RDX: variants seen among roughly 807,000 people sequenced by gnomAD.
The protein encoded by RDX is radixin.
RDX carries 32 observed loss-of-function variants against 83.7 expected under a neutral mutation model. The ratio of observed to expected loss-of-function variants is 0.38; its 90% CI spans 0.29 to 0.51. The LOEUF (loss-of-function observed/expected upper bound fraction) is 0.51. Ranked by LOEUF, RDX falls within the 20% of genes least tolerant of loss-of-function variation. The pLI is 0.87. For missense variants in RDX, 600 were observed against 689.9 expected (o/e 0.87, Z 1.46); for synonymous variants, 229 against 222.7 (o/e 1.03, Z -0.25).
intron 14 of RDX, among the ~76,000 whole-genome samples, chr11:110,208,168 T>G (rs539762517): frequency 6.6e-6 from 1 of 152,244 alleles, no homozygotes; most frequent in Admixed American, 6.5e-5. Flanking sequence ...ACACAGAGCA[T>G]CTGAAAAATG....
chr11:110,278,214 A>G (rs992525134), intron 2 of RDX, among the ~76,000 whole-genome samples: 1 of 143,892 alleles, frequency 6.9e-6, no homozygotes, highest in Non-Finnish European at 1.5e-5. Flanking sequence ...CTTGAAATCC[A>G]GGAGTGTAAG....
intron 14 of RDX, among the ~76,000 whole-genome samples, chr11:110,222,184 T>G (rs1449321944): frequency 1.3e-5 from 2 of 152,208 alleles, no homozygotes; most frequent in Non-Finnish European, 2.9e-5. Context: ...AGACAACATT[T>G]TCCTATCTGT....
chr11:110,267,962 GA>G (rs370898044), intron 3 of RDX, among the ~76,000 whole-genome samples: 2,352 of 147,428 alleles, frequency 0.016, 39 homozygotes, highest in East Asian at 0.076. Context: ...TGAAAAAAAA[GA>G]AAAAAAAAAT....
At chr11:110,267,573 C>A (rs1172901904) in intron 3 of RDX, among the ~76,000 whole-genome samples, 1 of 139,454 alleles carries the variant, frequency 7.2e-6, no homozygotes, top group Non-Finnish European at 1.6e-5. Context: ...CACAAATAAT[C>A]TTAAAACATT....
At chr11:110,239,906 A>G (rs1865013971) in intron 10 of RDX, among the ~76,000 whole-genome samples, 1 of 152,088 alleles carries the variant, frequency 6.6e-6, no homozygotes, top group African/African-American at 2.4e-5. Flanking sequence ...GAACACTCAT[A>G]CACTGTTGGT....
At chr11:110,240,920 G>T (rs1865068038) in intron 10 of RDX, among the ~76,000 whole-genome samples, 1 of 150,804 alleles carries the variant, frequency 6.6e-6, no homozygotes. Flanking sequence ...GCTGGGTGTG[G>T]TGGCGGGCGC....
chr11:110,261,682 A>G (rs1451905540), intron 5 of RDX, among the ~76,000 whole-genome samples: 2 of 152,230 alleles, frequency 1.3e-5, no homozygotes, highest in Non-Finnish European at 2.9e-5. Flanking sequence ...ACATGGCTTG[A>G]ATTAGTCCTC....
At chr11:110,189,236 C>T (rs1591499991) in intron 15 of RDX, among the ~76,000 whole-genome samples, 1 of 9,540 alleles carries the variant, frequency 1.0e-4, no homozygotes, top group Non-Finnish European at 2.6e-4. Flanking sequence ...TTTAAATGAA[C>T]AACAGGTAAA....
chr11:110,229,717 A>AT lies in RDX; in HGVS notation c.*2151dup, dbSNP rs1227282109. 2 of 152,530 alleles carry AT rather than the reference A, an allele frequency of 1.3e-5. No homozygotes were observed. The highest frequency in any genetic ancestry group is 2.9e-5 in the Non-Finnish European group (2 of 67,936). The allele number at this position is 152,530 out of a possible 1,614,324, so 9.4% of individuals were successfully genotyped here. On this transcript the variant is annotated 3_prime_UTR_variant, in exon 14 of 14. Coordinates refer to ENST00000645495, the MANE Select transcript of RDX (RefSeq NM_002906.4). ...ACAGCCTTAAAAATGGATTAAATCC[A>AT]TTTTAATCCTAATCTACAAATAGAT...
chr11:110,269,646 A>G (rs1044685048), intron 3 of RDX, among the ~76,000 whole-genome samples: 1 of 152,204 alleles, frequency 6.6e-6, no homozygotes. Context: ...GAGTTCAAGG[A>G]AAGTTCATCA....
rs114929006 is a variant in RDX, at chr11:110,252,794, A to G, written c.959+1152T>C. Among the ~76,000 whole-genome samples the G allele has an allele frequency of 3.0e-3, 450 of 152,014 alleles. 3 individuals carry two copies. The highest frequency in any genetic ancestry group is 0.01 in the African/African-American group (429 of 41,474). ...ACTCATTACTCTTTTTTTTATTTTT[A>G]TTTTTAAGAGAAAGGGTTTTACTAC... On this transcript the variant is annotated intron_variant, in intron 9 of 13. Coordinates refer to ENST00000645495, the MANE Select transcript of RDX (RefSeq NM_002906.4).
intron 14 of RDX, among the ~76,000 whole-genome samples, chr11:110,202,181 G>C (rs1863434012): frequency 6.6e-6 from 1 of 151,956 alleles, no homozygotes; most frequent in Non-Finnish European, 1.5e-5. Flanking sequence ...GATCACCTGA[G>C]GTCAGGAGTT....
chr11:110,218,705 C>A (rs1864143524), intron 14 of RDX, among the ~76,000 whole-genome samples: 2 of 152,150 alleles, frequency 1.3e-5, no homozygotes, highest in African/African-American at 2.4e-5. Context: ...TTCTGTGACT[C>A]GATATATTTG....
intron 3 of RDX, among the ~76,000 whole-genome samples, chr11:110,266,802 A>G (rs1297710650): frequency 6.6e-6 from 1 of 151,928 alleles, no homozygotes; most frequent in African/African-American, 2.4e-5. Flanking sequence ...CGCCAAGGCT[A>G]ATCTTAAACT....
Position 110,231,605 on chromosome 11 carries a change from AAAAAAG to A in RDX, c.*258_*263del. 1 of 494,482 alleles carries A rather than the reference AAAAAAG, an allele frequency of 2.0e-6. No homozygotes were observed. Among genetic ancestry groups the A allele is most frequent in the Non-Finnish European group, 3.7e-6 (1 of 272,798 alleles). The allele number at this position is 494,482 out of a possible 1,614,324, so 30.6% of individuals were successfully genotyped here. ...ATTAGTGTTAATCTTCAACAGAAAA[AAAAAAG>A]AAAAAGAAAAAAAATGTGAAAAGAG... On this transcript the variant is annotated 3_prime_UTR_variant, in exon 14 of 14. Coordinates refer to ENST00000645495, the MANE Select transcript of RDX (RefSeq NM_002906.4).
At chr11:110,236,227 C>T (rs1565306962) in intron 11 of RDX, 36 bp from the exon 12 acceptor site, 1 of 1,487,798 alleles carries the variant, frequency 6.7e-7, no homozygotes, top group South Asian at 1.1e-5. Flanking sequence ...ATTAAAATAA[C>T]ATATTTTGAA....
chr11:110,233,334 C>G lies in RDX; in HGVS notation c.1490G>C (p.Ser497Thr). 1 of 1,614,170 alleles carries G rather than the reference C, an allele frequency of 6.2e-7. No homozygotes were observed. ...TACCCCTTCATTTGATAATTCAGCA[C>G]TAGCTTCAGCATTATTCTCATCGTG... Reference protein sequence around the residue: ...DEHDENNAEASAELSNEGVMN... With the variant: ...DEHDENNAEATAELSNEGVMN... The change falls in exon 13 of 14, where the codon AGT (serine) becomes ACT (threonine). Residue 497 changes from serine (S) to threonine (T), a missense_variant. Ser to Thr is a moderately conservative substitution (Grantham distance 58). Coordinates refer to ENST00000645495, the MANE Select transcript of RDX (RefSeq NM_002906.4).
chr11:110,265,163 G>A (rs1389837408), intron 3 of RDX, among the ~76,000 whole-genome samples: 1 of 120,294 alleles, frequency 8.3e-6, no homozygotes, highest in Non-Finnish European at 1.6e-5. Flanking sequence ...GCACAATCTT[G>A]GCTCACCGCA....
intron 11 of RDX, 116 bp downstream of exon 11, chr11:110,237,376 T>C (rs932141659): frequency 2.2e-6 from 2 of 921,030 alleles, no homozygotes; most frequent in Non-Finnish European, 3.3e-6. Flanking sequence ...AGTTACATGT[T>C]ATCTTTGGCT....
Sources: allele counts gnomAD v4.1 joint callset (sites outside exome capture counted in the v4.1 genomes callset), GRCh38; gene constraint gnomAD v4.1.1; transcripts MANE v1.5; gene names NCBI Gene and HGNC (gene_info 2026-07-23, HGNC 2026-07-21).